Variants in STRIP1 observed in about 807,000 individuals in gnomAD.
STRIP1 encodes the protein striatin-interacting protein 1.
STRIP1 carries 63 observed loss-of-function variants against 106.2 expected under a neutral mutation model. The ratio of observed to expected loss-of-function variants is 0.59; its 90% confidence interval spans 0.48 to 0.73. STRIP1 has a LOEUF of 0.73. Ranked by LOEUF, STRIP1 falls within the 30% of genes least tolerant of loss-of-function variation. STRIP1 has a pLI of 0.00. For synonymous variants in STRIP1, 390 were observed against 413.0 expected (o/e 0.94, Z 0.67); for missense variants, 857 against 1,074.8 (o/e 0.80, Z 2.83).
chr1:110,033,829 C>T (rs1228049414), upstream of STRIP1, among the ~76,000 whole-genome samples: 3 of 152,282 alleles, frequency 2.0e-5, no homozygotes, highest in South Asian at 2.1e-4. Flanking sequence ...CTGCTTTCAG[C>T]AATAATCCTG....
chr1:110,049,830 C>A, intron 17 of STRIP1: 3 of 370,636 alleles, frequency 8.1e-6, no homozygotes, highest in East Asian at 4.9e-5. Context: ...CCTGTCCCTT[C>A]TGTACTTTTT....
At chr1:110,045,976 C>G (rs1653002111) in intron 12 of STRIP1, among the ~76,000 whole-genome samples, 1 of 152,188 alleles carries the variant, frequency 6.6e-6, no homozygotes, top group African/African-American at 2.4e-5. Flanking sequence ...GGCATCTCCC[C>G]TAACAGCTAT....
At chr1:110,042,710 A>G (rs570341419) in intron 8 of STRIP1, among the ~76,000 whole-genome samples, 1 of 152,312 alleles carries the variant, frequency 6.6e-6, no homozygotes, top group Admixed American at 6.5e-5. Flanking sequence ...AACCAACAGT[A>G]TTTCTAATTT....
Position 110,054,193 on chromosome 1 carries a change from T to G in STRIP1, c.*281T>G. On this transcript the variant is annotated 3_prime_UTR_variant, in exon 21 of 21. Transcript: ENST00000369795. ...TGGTTGGTTTTGGCTCATTTCACAA[T>G]CAGCCCAAGGCTGGGAAAGCTGGAA... is the stretch of plus-strand genomic sequence containing the variant. The G allele has an allele frequency of 2.4e-6, 1 of 425,380 alleles. No individual in the cohort carries two copies. Among genetic ancestry groups the G allele is most frequent in the Non-Finnish European group, 4.4e-6 (1 of 229,410 alleles). 26.4% of individuals were successfully genotyped at this position (425,380 alleles called of 1,614,324 possible). A position where few individuals can be genotyped will look rare whatever the true frequency, so the allele number is the denominator to read the frequency against.
intron 12 of STRIP1, among the ~76,000 whole-genome samples, chr1:110,046,198 C>T (rs541267792): frequency 6.6e-6 from 1 of 152,078 alleles, no homozygotes; most frequent in African/African-American, 2.4e-5. Context: ...GGAAGGGGCC[C>T]TTTTAGAAAA....
chr1:110,047,453 T>C (rs1182394681), intron 13 of STRIP1, 89 bp from the exon 14 acceptor site: 3 of 971,790 alleles, frequency 3.1e-6, no homozygotes, highest in South Asian at 2.8e-5. Flanking sequence ...CATCACTGTT[T>C]ACAGGTTTTC....
Position 110,043,100 on chromosome 1 carries a change from G to A in STRIP1, c.898G>A (p.Gly300Ser), listed in dbSNP as rs781349614. The A allele has an allele frequency of 2.5e-5, 41 of 1,612,518 alleles. No homozygotes were observed. Among genetic ancestry groups the A allele is most frequent in the Non-Finnish European group, 3.1e-5 (36 of 1,179,518 alleles). The change falls in exon 9 of 21, where the codon GGC (glycine) becomes AGC (serine). Residue 300 changes from glycine (G) to serine (S), a missense_variant. Gly to Ser is a moderately conservative substitution (Grantham distance 56). This residue lies in a region of STRIP1 where 750 missense variants were observed against 989.8 expected (regional missense o/e 0.76). Coordinates refer to ENST00000369795, the MANE Select transcript of STRIP1 (RefSeq NM_033088.4). ...GTCTGTGATGCAGTGCACGCTAGGC[G>A]GCTTTGAGGAGCTGCAGAGCATGAA... is the stretch of plus-strand genomic sequence containing the variant. Reference protein sequence around the residue: ...LWKTVLCTLGGFEELQSMKAE... With the variant: ...LWKTVLCTLGSFEELQSMKAE...
At chr1:110,043,499 C>G (rs1221606034) in intron 9 of STRIP1, 140 bp from the exon 10 acceptor site, 5 of 886,432 alleles carry the variant, frequency 5.6e-6, no homozygotes, top group South Asian at 1.5e-5. Flanking sequence ...ATGGTTTGGC[C>G]CCCGTCTTGA....
rs1293457091 is a variant in STRIP1, at chr1:110,049,537, G to A, written c.1866G>A (p.Met622Ile). Residue 622 changes from methionine to isoleucine, a missense_variant, in exon 17 of 21, where the codon ATG becomes ATA. Physicochemically the swap from Met to Ile is conservative, Grantham distance 10. Transcript: ENST00000369795. ...LILKFFNQNI[M>I]SYITAKNSIS... ...TAAAGTTCTTCAATCAAAACATCAT[G>A]TCCTACATCACTGCCAAGAACAGGT... The A allele has an allele frequency of 2.5e-6, 4 of 1,605,364 alleles. No individual in the cohort carries two copies. In the East Asian group the frequency reaches 9.0e-5, roughly 36 times the overall value.
intron 18 of STRIP1, 59 bp downstream of exon 18, chr1:110,050,468 C>CT: frequency 6.8e-7 from 1 of 1,470,218 alleles, no homozygotes; most frequent in Non-Finnish European, 9.5e-7. Flanking sequence ...GGGTAGAGAG[C>CT]CTGCCTACCC....
chr1:110,050,843 C>T (rs1030118577), intron 18 of STRIP1, 113 bp from the exon 19 acceptor site: 10 of 683,574 alleles, frequency 1.5e-5, no homozygotes. Flanking sequence ...GCAGGGGATT[C>T]CTGGTAGAGG....
Position 110,050,336 on chromosome 1 carries a change from T to C in STRIP1, c.1890-7T>C. 3 of 1,614,124 alleles carry C rather than the reference T, an allele frequency of 1.9e-6. No homozygotes were observed. The highest frequency in any genetic ancestry group is 2.5e-6 in the Non-Finnish European group (3 of 1,179,980). ...TGGTGGGCATCTGGTTCCTCTCCCC[T>C]CTGCAGCATTTCTGTCCTGGATTAC... On this transcript the variant is annotated splice_polypyrimidine_tract_variant and splice_region_variant and intron_variant, in intron 17 of 20. Coordinates refer to ENST00000369795, the MANE Select transcript of STRIP1 (RefSeq NM_033088.4).
chr1:110,037,994 G>A (rs556153425), intron 2 of STRIP1, 34 bp downstream of exon 2: 1 of 1,450,652 alleles, frequency 6.9e-7, no homozygotes, highest in Non-Finnish European at 9.6e-7. Context: ...TTTGGGGGTG[G>A]TTTTTTCCTT....
intron 12 of STRIP1, chr1:110,045,294 C>G: frequency 3.6e-6 from 2 of 549,542 alleles, no homozygotes; most frequent in Admixed American, 3.2e-5. Context: ...TTGTTTGGGA[C>G]TGACTGGGAA....
In STRIP1 at chr1:110,047,569, G is replaced by A. The variant is rs150518731; in HGVS notation, c.1516G>A (p.Ala506Thr). The change falls in exon 14 of 21, where the codon GCA (alanine) becomes ACA (threonine). Residue 506 changes from alanine to threonine, a missense_variant. By Grantham distance (58) the Ala-to-Thr change is moderately conservative. Around this residue, in one of 2 missense-constraint regions of STRIP1, gnomAD observed 750 missense variants for 989.8 expected, o/e 0.76. Coordinates refer to ENST00000369795, the MANE Select transcript of STRIP1 (RefSeq NM_033088.4). ...AGAAGAAGAAGTTGAGCAAGTCCCT[G>A]CAGAAACCCTCTACCAAGGCTTGCT... is the stretch of plus-strand genomic sequence containing the variant. ...GGEEEVEQVP[A>T]ETLYQGLLPS... The A allele has an allele frequency of 2.5e-6, 4 of 1,611,956 alleles. No individual in the cohort carries two copies. The African/African-American group carries it at 4.0e-5, about 16-fold the overall frequency.
intron 6 of STRIP1, chr1:110,041,313 C>G (rs760252475): frequency 1.4e-4 from 67 of 468,754 alleles, no homozygotes; most frequent in Non-Finnish European, 2.4e-4. Context: ...TCACTGTGAC[C>G]CTGTTCTGCT....
At chr1:110,035,746 C>T (rs2101762848) in intron 1 of STRIP1, among the ~76,000 whole-genome samples, 1 of 152,240 alleles carries the variant, frequency 6.6e-6, no homozygotes, top group East Asian at 1.9e-4. Context: ...GAGGGAATTC[C>T]TAGTTGTCCA....
rs1309785801 is a variant in STRIP1, at chr1:110,040,097, A to G, written c.582-538A>G. Among the ~76,000 whole-genome samples, 4 of 152,384 alleles carry G rather than the reference A, an allele frequency of 2.6e-5. No individual in the cohort carries two copies. The East Asian group carries it at 5.8e-4, about 22-fold the overall frequency. On this transcript the variant is annotated intron_variant, in intron 5 of 20. Coordinates refer to ENST00000369795, the MANE Select transcript of STRIP1 (RefSeq NM_033088.4). ...TCATCCCCATTTTACAGATGAGGAA[A>G]CTAAGGCGCAGTTAGAGCCAGGATT...
chr1:110,039,749 G>A, intron 5 of STRIP1: 1 of 1,151,414 alleles, frequency 8.7e-7, no homozygotes, highest in Non-Finnish European at 1.2e-6. Flanking sequence ...ACACCAGACA[G>A]TGCAGGCCCT....
Sources: allele counts gnomAD v4.1 joint callset (sites outside exome capture counted in the v4.1 genomes callset), GRCh38; gene constraint gnomAD v4.1.1; regional missense constraint gnomAD v4.1.1; transcripts MANE v1.5; gene names NCBI Gene and HGNC (gene_info 2026-07-23, HGNC 2026-07-21).